CACNA1D: variants seen among roughly 807,000 people sequenced by gnomAD.
CACNA1D encodes calcium voltage-gated channel subunit alpha1 D.
Under a neutral mutation model 257.1 loss-of-function variants are expected in CACNA1D, and 55 were observed. That is an observed-to-expected ratio of 0.21 (90% CI 0.17 to 0.27). The LOEUF is 0.27. Among genes scored for constraint, CACNA1D ranks in the 10% least tolerant of loss-of-function variants. CACNA1D has a pLI of 1.00. For synonymous variants in CACNA1D, 980 were observed against 1,014.9 expected (o/e 0.97, Z 0.65); for missense variants, 1,876 against 2,784.0 (o/e 0.67, Z 7.34).
At chr3:53,747,269 A>G in intron 25 of CACNA1D, 33 bp from the exon 26 acceptor site, 1 of 1,607,762 alleles carries the variant, frequency 6.2e-7, no homozygotes, top group South Asian at 1.1e-5. Flanking sequence ...TCATGTGTGA[A>G]GCCAGACGAC....
chr3:53,643,301 CT>C (rs1449681576), intron 3 of CACNA1D, among the ~76,000 whole-genome samples: 14 of 152,080 alleles, frequency 9.2e-5, no homozygotes, highest in South Asian at 2.1e-4. Flanking sequence ...CCAAGCATCT[CT>C]GAGCCGACGC....
intron 20 of CACNA1D, among the ~76,000 whole-genome samples, chr3:53,739,015 A>G (rs1489002326): frequency 6.6e-6 from 1 of 152,236 alleles, no homozygotes; most frequent in Non-Finnish European, 1.5e-5. Flanking sequence ...GTGGTCCCAC[A>G]GAATTCATAA....
chr3:53,750,503 T>C (rs1410107352), intron 27 of CACNA1D, among the ~76,000 whole-genome samples: 3 of 152,248 alleles, frequency 2.0e-5, no homozygotes, highest in Non-Finnish European at 4.4e-5. Context: ...CATAGCTGGC[T>C]GTACCCACTG....
chr3:53,735,384 G>A lies in CACNA1D; in HGVS notation c.2632G>A (p.Gly878Ser), dbSNP rs746774065. ...GGCTTTTCCCTGCAGGATCCGCGTA[G>A]GCTGCCACAAGCTCATCAACCACCA... is the stretch of plus-strand genomic sequence containing the variant. ...ILSKTNPIRV[G>S]CHKLINHHIF... The change falls in exon 20 of 48, where the codon GGC becomes AGC. Residue 878 changes from glycine (G) to serine (S), a missense_variant. Physicochemically the swap from Gly to Ser is moderately conservative, Grantham distance 56. This residue lies in a region of CACNA1D where 271 missense variants were observed against 425.5 expected (regional missense o/e 0.64). Transcript: ENST00000350061. The A allele has an allele frequency of 6.2e-7, 1 of 1,614,106 alleles. No homozygotes were observed. The highest frequency in any genetic ancestry group is 8.5e-7 in the Non-Finnish European group (1 of 1,179,944).
At chr3:53,617,821 G>A (rs969670492) in intron 3 of CACNA1D, among the ~76,000 whole-genome samples, 4 of 152,310 alleles carry the variant, frequency 2.6e-5, no homozygotes, top group Non-Finnish European at 5.9e-5. Context: ...AGCCTCAAAT[G>A]TACTGGGGGA....
chr3:53,719,806 C>G, intron 11 of CACNA1D, 25 bp downstream of exon 11: 1 of 1,608,374 alleles, frequency 6.2e-7, no homozygotes, highest in Non-Finnish European at 8.5e-7. Flanking sequence ...TCTGTTTCTT[C>G]GTCAGCCTGT....
chr3:53,600,891 C>A (rs1422967185), intron 3 of CACNA1D, among the ~76,000 whole-genome samples: 1 of 152,158 alleles, frequency 6.6e-6, no homozygotes, highest in Admixed American at 6.5e-5. Flanking sequence ...AACAGATAAT[C>A]CTCCGTGATT....
intron 37 of CACNA1D, among the ~76,000 whole-genome samples, chr3:53,779,272 G>A (rs7617629): frequency 3.9e-5 from 6 of 152,162 alleles, no homozygotes; most frequent in South Asian, 2.1e-4. Context: ...CATCATCTGC[G>A]TGTTAACATT....
intron 44 of CACNA1D, 49 bp from the exon 45 acceptor site, chr3:53,804,934 G>T (rs2095554434): frequency 6.4e-7 from 1 of 1,568,664 alleles, no homozygotes; most frequent in African/African-American, 1.4e-5. Flanking sequence ...AGGGTTGAGT[G>T]ACAGAGCTTG....
chr3:53,793,946 T>C lies in CACNA1D; in HGVS notation c.4924-6303T>C, dbSNP rs888000127. On this transcript the variant is annotated intron_variant, in intron 40 of 47. Transcript: ENST00000350061. This position sits in a 1 kb window ranked among gnomAD's most constrained non-coding sequence, Gnocchi z 4.1. ...TTGGCACCCCCAACACCAGCATCCA[T>C]AGGCTAAACTCTTCAGCTCCTGGAT... Among the ~76,000 whole-genome samples the C allele has an allele frequency of 6.6e-6, 1 of 152,152 alleles. No homozygotes were observed. Among genetic ancestry groups the C allele is most frequent in the African/African-American group, 2.4e-5 (1 of 41,426 alleles).
intron 3 of CACNA1D, among the ~76,000 whole-genome samples, chr3:53,576,936 GTTC>G (rs1305086900): frequency 6.6e-6 from 1 of 152,202 alleles, no homozygotes; most frequent in Admixed American, 6.5e-5. Context: ...TTACCAGTCA[GTTC>G]TTATTCTTCC....
intron 3 of CACNA1D, among the ~76,000 whole-genome samples, chr3:53,600,875 G>A: frequency 6.6e-6 from 1 of 152,158 alleles, no homozygotes; most frequent in East Asian, 1.9e-4. Context: ...GGTTCTGAAT[G>A]ATTGAAACAG....
chr3:53,718,601 C>CCCCCCCCCCCAAA, intron 10 of CACNA1D: 1 of 1,103,200 alleles, frequency 9.1e-7, no homozygotes. Context: ...CCCCCCGGCC[C>CCCCCCCCCCCAAA]AGCATTTCAC....
intron 3 of CACNA1D, among the ~76,000 whole-genome samples, chr3:53,550,083 A>G (rs578114969): frequency 6.6e-5 from 10 of 152,268 alleles, no homozygotes; most frequent in African/African-American, 2.4e-4. Context: ...ATTGCCCCTC[A>G]TAGAAAGCGA....
intron 3 of CACNA1D, among the ~76,000 whole-genome samples, chr3:53,504,981 A>T (rs940084940): frequency 6.6e-6 from 1 of 152,058 alleles, no homozygotes; most frequent in Non-Finnish European, 1.5e-5. Context: ...ATCCCTACTG[A>T]TGGCTGCACT....
At chr3:53,727,220 G>T (rs748928707) in intron 15 of CACNA1D, among the ~76,000 whole-genome samples, 2 of 152,210 alleles carry the variant, frequency 1.3e-5, no homozygotes, top group Non-Finnish European at 2.9e-5. Flanking sequence ...CTCTGGCTAA[G>T]AGAAGCAAGC....
chr3:53,698,204 T>G (rs1488297579), intron 8 of CACNA1D, among the ~76,000 whole-genome samples: 1 of 152,236 alleles, frequency 6.6e-6, no homozygotes, highest in East Asian at 1.9e-4. Context: ...ATACCTTCAA[T>G]TCCAGCCTGT....
intron 3 of CACNA1D, among the ~76,000 whole-genome samples, chr3:53,552,054 C>G (rs1374445959): frequency 6.6e-6 from 1 of 152,218 alleles, no homozygotes; most frequent in African/African-American, 2.4e-5. Context: ...CCCAGGCCCC[C>G]TCTTCCCTCT....
chr3:53,789,644 C>T lies in CACNA1D; in HGVS notation c.4923+2692C>T, dbSNP rs2095473776. On this transcript the variant is annotated intron_variant, in intron 40 of 47. Transcript: ENST00000350061. The surrounding 1 kb of genome is among the most constrained non-coding windows in gnomAD (Gnocchi z 4.2). Reference sequence around the variant, plus strand: ...CTTGCCTCCTCCCACAGCAGGGTGCCCCATGGCTGGCAGACTGCGTGCTAA... The same window carrying T: ...CTTGCCTCCTCCCACAGCAGGGTGCTCCATGGCTGGCAGACTGCGTGCTAA... Among the ~76,000 whole-genome samples, 13 of 152,166 alleles carry T rather than the reference C, an allele frequency of 8.5e-5. No homozygotes were observed. The highest frequency in any genetic ancestry group is 8.5e-4 in the Admixed American group (13 of 15,276).
Sources: gnomAD v4.1 joint callset for allele counts (sites outside exome capture counted in the v4.1 genomes callset) on GRCh38, gnomAD v4.1.1 for gene constraint, gnomAD v4.1.1 regional missense constraint, Gnocchi (gnomAD v3.1) non-coding constraint, MANE v1.5 for transcripts, NCBI Gene and HGNC (gene_info 2026-07-23, HGNC 2026-07-21) for gene names.